Variants in CACNA2D3 observed in about 807,000 individuals in gnomAD.
CACNA2D3 encodes the protein calcium voltage-gated channel auxiliary subunit alpha2delta 3.
In CACNA2D3, 60 loss-of-function variants were observed where a neutral mutation model predicts 160.6. The observed-to-expected ratio is 0.37, with a 90% CI of 0.30 to 0.46. CACNA2D3 has a LOEUF of 0.46. CACNA2D3 is among the 20% of genes least tolerant of loss of function. The pLI is 1.00. For synonymous variants in CACNA2D3, 558 were observed against 492.9 expected, an observed-to-expected ratio of 1.13 and a Z score of -1.75; for missense variants, 1,205 against 1,365.0, an observed-to-expected ratio of 0.88 and a Z score of 1.85.
At chr3:54,810,850 G>A (rs1703288964) in intron 13 of CACNA2D3, among the ~76,000 whole-genome samples, 1 of 152,134 alleles carries the variant, frequency 6.6e-6, no homozygotes, top group Admixed American at 6.5e-5. Flanking sequence ...AGTGAATTAG[G>A]AGAATTAAAA....
Position 54,685,224 on chromosome 3 carries a change from A to C in CACNA2D3, c.1167+42983A>C, listed in dbSNP as rs139258881. On this transcript the variant is annotated intron_variant, in intron 11 of 37. Coordinates refer to ENST00000474759, the MANE Select transcript of CACNA2D3 (RefSeq NM_018398.3). ...AATGAATGAAATCAACAACAAGAAA[A>C]AGAAAAACCGTTCAATTGAATGAAT... Among the ~76,000 whole-genome samples the C allele has an allele frequency of 5.6e-3, 859 of 152,262 alleles. 15 individuals are homozygous for C. The highest frequency in any genetic ancestry group is 0.02 in the African/African-American group (821 of 41,556).
At position 54,183,085 on chromosome 3, in the gene CACNA2D3, C is replaced by T. The variant is rs544982537; in HGVS notation, c.204+59491C>T. 3.3e-5 allele frequency among the ~76,000 whole-genome samples: 5 copies of T among 152,238 alleles called. No individual in the cohort carries two copies. The South Asian group carries it at 1.0e-3, about 32-fold the overall frequency. Reference sequence around the variant, plus strand: ...TTCTGAAGTTGACCTCATTCCCCCCCCAAAATATTTTTCATGTTGTGAAAT... The same window carrying T: ...TTCTGAAGTTGACCTCATTCCCCCCTCAAAATATTTTTCATGTTGTGAAAT... On this transcript the variant is annotated intron_variant, in intron 2 of 37. Coordinates refer to ENST00000474759, the MANE Select transcript of CACNA2D3 (RefSeq NM_018398.3).
intron 17 of CACNA2D3, among the ~76,000 whole-genome samples, chr3:54,859,972 G>GCGCGCA (rs535185040): frequency 0.027 from 3,566 of 133,856 alleles, 70 homozygotes; most frequent in East Asian, 0.056. Flanking sequence ...GAAAGTAGAT[G>GCGCGCA]CACACACACA....
chr3:54,307,279 G>A (rs1703624649), intron 2 of CACNA2D3, among the ~76,000 whole-genome samples: 1 of 152,150 alleles, frequency 6.6e-6, no homozygotes. Flanking sequence ...GGGTAAAGAT[G>A]ATGTCTTCGC....
intron 27 of CACNA2D3, among the ~76,000 whole-genome samples, chr3:54,960,808 A>G (rs1702013803): frequency 6.6e-6 from 1 of 152,166 alleles, no homozygotes; most frequent in African/African-American, 2.4e-5. Flanking sequence ...TAACATCTTC[A>G]CATGAAATAT....
intron 2 of CACNA2D3, among the ~76,000 whole-genome samples, chr3:54,147,002 T>G (rs903668345): frequency 6.6e-6 from 1 of 152,254 alleles, no homozygotes; most frequent in African/African-American, 2.4e-5. Flanking sequence ...AAATTTCCCC[T>G]TTCAGTGAAT....
intron 13 of CACNA2D3, among the ~76,000 whole-genome samples, chr3:54,767,862 C>T (rs1300675074): frequency 6.6e-6 from 1 of 151,726 alleles, no homozygotes; most frequent in East Asian, 1.9e-4. Context: ...TGGTTTGTAA[C>T]TTGTTGAATA....
intron 13 of CACNA2D3, among the ~76,000 whole-genome samples, chr3:54,791,890 T>C (rs184948075): frequency 6.6e-6 from 1 of 152,300 alleles, no homozygotes. Flanking sequence ...GTAGGACTTT[T>C]CACATGAGCC....
intron 12 of CACNA2D3, among the ~76,000 whole-genome samples, chr3:54,755,249 C>T (rs1397301580): frequency 6.6e-6 from 1 of 152,078 alleles, no homozygotes; most frequent in African/African-American, 2.4e-5. Context: ...AGTTCTTCCT[C>T]CCTGCTGAAT....
At position 54,415,412 on chromosome 3, in the gene CACNA2D3, G is replaced by A. The variant is rs147280181; in HGVS notation, c.381+28638G>A. Among the ~76,000 whole-genome samples the A allele has an allele frequency of 9.1e-4, 138 of 152,182 alleles. 4 individuals carry two copies. The East Asian group carries it at 0.025, about 27-fold the overall frequency. ...TTTATGTCTGTTAATTTACCTGATA[G>A]GAATTAGAATTAATTCTTTTCTACT... On this transcript the variant is annotated intron_variant, in intron 4 of 37. Coordinates refer to ENST00000474759, the MANE Select transcript of CACNA2D3 (RefSeq NM_018398.3).
chr3:54,532,134 A>G (rs2106642494), intron 5 of CACNA2D3, among the ~76,000 whole-genome samples: 1 of 152,282 alleles, frequency 6.6e-6, no homozygotes, highest in Non-Finnish European at 1.5e-5. Flanking sequence ...TGGGGAAGAG[A>G]AAGAGAGATC....
chr3:54,235,335 G>A (rs1202936413), intron 2 of CACNA2D3, among the ~76,000 whole-genome samples: 1 of 152,170 alleles, frequency 6.6e-6, no homozygotes, highest in Non-Finnish European at 1.5e-5. Context: ...CACAGGCTGT[G>A]CAGGAAGCAT....
chr3:54,122,606 C>T lies in CACNA2D3; in HGVS notation c.-108C>T. 1 of 666,526 alleles carries T rather than the reference C, an allele frequency of 1.5e-6. No individual in the cohort carries two copies. Among genetic ancestry groups the T allele is most frequent in the African/African-American group, 2.1e-5 (1 of 47,558 alleles). 41.3% of individuals were successfully genotyped at this position (666,526 alleles called of 1,614,324 possible). A position where few individuals can be genotyped will look rare whatever the true frequency, so the allele number is the denominator to read the frequency against. The stretch of plus-strand genomic sequence containing the variant: ...GGCGCGCGAGAGGCAGGCGGGGCGG[C>T]GCGGAGCGGAGCAGGCAGCCCCGCG... On this transcript the variant is annotated 5_prime_UTR_variant, in exon 1 of 38. Coordinates refer to ENST00000474759, the MANE Select transcript of CACNA2D3 (RefSeq NM_018398.3).
chr3:55,050,308 G>A (rs201296052), intron 35 of CACNA2D3, among the ~76,000 whole-genome samples: 11 of 151,352 alleles, frequency 7.3e-5, no homozygotes, highest in Non-Finnish European at 1.6e-4. Context: ...GGTGGTGACA[G>A]AATCTCTCAG....
chr3:54,961,469 T>A (rs976643039), intron 27 of CACNA2D3, among the ~76,000 whole-genome samples: 1 of 152,222 alleles, frequency 6.6e-6, no homozygotes, highest in Non-Finnish European at 1.5e-5. Flanking sequence ...AAACTACAAT[T>A]TTCTACTATA....
intron 2 of CACNA2D3, among the ~76,000 whole-genome samples, chr3:54,202,024 A>G (rs1701189170): frequency 6.6e-6 from 1 of 152,218 alleles, no homozygotes; most frequent in South Asian, 2.1e-4. Context: ...AATAACACAT[A>G]ATTTTGGATA....
At chr3:55,053,968 C>A (rs1704297853) in intron 35 of CACNA2D3, among the ~76,000 whole-genome samples, 1 of 151,678 alleles carries the variant, frequency 6.6e-6, no homozygotes, top group Non-Finnish European at 1.5e-5. Flanking sequence ...TCTGCTTGTT[C>A]ATCCTCTTTT....
At chr3:54,691,750 A>G (rs1700575504) in intron 11 of CACNA2D3, among the ~76,000 whole-genome samples, 2 of 152,276 alleles carry the variant, frequency 1.3e-5, no homozygotes, top group African/African-American at 2.4e-5. Context: ...ATTTTCCTGT[A>G]GGACAGAGTT....
intron 35 of CACNA2D3, among the ~76,000 whole-genome samples, chr3:55,033,853 A>AAT (rs1703752687): frequency 3.5e-5 from 4 of 114,400 alleles, no homozygotes; most frequent in African/African-American, 1.3e-4. Context: ...ATTACATATT[A>AAT]AATATATTTA....
Sources: allele counts gnomAD v4.1 joint callset (sites outside exome capture counted in the v4.1 genomes callset), GRCh38; gene constraint gnomAD v4.1.1; transcripts MANE v1.5; gene names NCBI Gene and HGNC (gene_info 2026-07-23, HGNC 2026-07-21).